EIF2B3: variants seen among roughly 807,000 people sequenced by gnomAD.
The protein encoded by EIF2B3 is eukaryotic translation initiation factor 2B subunit gamma.
In EIF2B3, 20 loss-of-function variants were observed where a neutral mutation model predicts 54.1. The ratio of observed to expected loss-of-function variants is 0.37; its 90% CI spans 0.26 to 0.54. EIF2B3 has a LOEUF of 0.54. Among genes scored for constraint, EIF2B3 ranks in the 20% least tolerant of loss-of-function variants. The pLI is 0.86. For synonymous variants in EIF2B3, 153 were observed against 188.1 expected, an observed-to-expected ratio of 0.81 and a Z score of 1.52; for missense variants, 448 against 547.8, an observed-to-expected ratio of 0.82 and a Z score of 1.82.
intron 3 of EIF2B3, among the ~76,000 whole-genome samples, chr1:44,951,047 A>T (rs1644155372): frequency 6.6e-6 from 1 of 152,184 alleles, no homozygotes; most frequent in Admixed American, 6.5e-5. Context: ...TTTTTAAAAA[A>T]ATTACTTCAG....
Position 44,897,424 on chromosome 1 carries a change from T to C in EIF2B3, c.587A>G (p.His196Arg). 6.2e-7 allele frequency: 1 copy of C among 1,613,022 alleles called. No individual in the cohort carries two copies. The highest frequency in any genetic ancestry group is 8.5e-7 in the Non-Finnish European group (1 of 1,179,676). Residue 196 changes from histidine (H) to arginine (R), a missense_variant, in exon 6 of 12, where the codon CAC (histidine) becomes CGC (arginine). Around this residue, in one of 3 missense-constraint regions of EIF2B3, gnomAD observed 350 missense variants for 414.2 expected, o/e 0.85. Coordinates refer to ENST00000360403, the MANE Select transcript of EIF2B3 (RefSeq NM_020365.5). ...ILQKHPRIRF[H>R]TGLVDAHLYC... ...GAGGTGGGCATCCACAAGACCCGTG[T>C]GGAAACGTATTCTAGGATGCCTGCA...
chr1:44,941,912 G>A (rs1644028424), intron 3 of EIF2B3, among the ~76,000 whole-genome samples: 1 of 152,074 alleles, frequency 6.6e-6, no homozygotes, highest in Non-Finnish European at 1.5e-5. Flanking sequence ...GACATCTCTG[G>A]AACCCTAGGT....
At chr1:44,918,761 A>G (rs1263938979) in intron 5 of EIF2B3, among the ~76,000 whole-genome samples, 2 of 152,158 alleles carry the variant, frequency 1.3e-5, no homozygotes, top group African/African-American at 2.4e-5. Context: ...ATTGTGGAAA[A>G]CAGGATTTAA....
chr1:44,897,341 AC>A lies in EIF2B3; in HGVS notation c.656+13del, dbSNP rs1656005114. On this transcript the variant is annotated intron_variant, in intron 6 of 11. Coordinates refer to ENST00000360403, the MANE Select transcript of EIF2B3 (RefSeq NM_020365.5). ...TAAGTACTGTAGGTTTGACTCTACC[AC>A]CCTTTTTCTTACCCATTTTCCATTA... The A allele has an allele frequency of 6.2e-7, 1 of 1,600,290 alleles. No homozygotes were observed. The highest frequency in any genetic ancestry group is 1.3e-5 in the African/African-American group (1 of 74,768).
Position 44,897,365 on chromosome 1 carries a change from T to G in EIF2B3, c.646A>C (p.Met216Leu). 6.2e-7 allele frequency: 1 copy of G among 1,613,092 alleles called. No homozygotes were observed. Among genetic ancestry groups the G allele is most frequent in the Non-Finnish European group, 8.5e-7 (1 of 1,179,354 alleles). The change falls in exon 6 of 12, where the codon ATG (methionine) becomes CTG (leucine). Residue 216 changes from methionine to leucine, a missense_variant. Physicochemically the swap from Met to Leu is conservative, Grantham distance 15. This residue lies in a region of EIF2B3 where 350 missense variants were observed against 414.2 expected (regional missense o/e 0.85). Coordinates refer to ENST00000360403, the MANE Select transcript of EIF2B3 (RefSeq NM_020365.5). ...CACCCTTTTTCTTACCCATTTTCCA[T>G]TAGGAAATCCACGATGTATTTTTTC... ...CLKKYIVDFLMENGSITSIRS... is the reference protein window; with the variant it reads ...CLKKYIVDFLLENGSITSIRS...
intron 3 of EIF2B3, among the ~76,000 whole-genome samples, chr1:44,975,828 G>A (rs760255454): frequency 2.0e-5 from 3 of 152,080 alleles, no homozygotes; most frequent in Non-Finnish European, 4.4e-5. Context: ...AATTAGCCAG[G>A]TGTGGTGGCA....
intron 3 of EIF2B3, among the ~76,000 whole-genome samples, chr1:44,943,498 C>T (rs1347311048): frequency 6.6e-6 from 1 of 151,936 alleles, no homozygotes; most frequent in Non-Finnish European, 1.5e-5. Context: ...TGGCTTACTG[C>T]AGCCTCGACT....
In EIF2B3 at chr1:44,875,744, GCTCTCCCTCTCC is replaced by G. The variant is rs370371044; in HGVS notation, c.976-61_976-50del. 5 of 1,475,742 alleles carry G rather than the reference GCTCTCCCTCTCC, an allele frequency of 3.4e-6. No individual in the cohort carries two copies. In the South Asian group the frequency reaches 3.4e-5, roughly 10 times the overall value. The allele number at this position is 1,475,742 out of a possible 1,614,324, so 91.4% of individuals were successfully genotyped here. On this transcript the variant is annotated intron_variant, in intron 8 of 11. Coordinates refer to ENST00000360403, the MANE Select transcript of EIF2B3 (RefSeq NM_020365.5). Reference sequence around the variant, plus strand: ...TAAAGATCAGAAAACACCTTAGGTAGCTCTCCCTCTCCCTCTCCCTCTACCTCTCCCACTCCC... The same window carrying G: ...TAAAGATCAGAAAACACCTTAGGTAGCTCTCCCTCTACCTCTCCCACTCCC...
intron 3 of EIF2B3, among the ~76,000 whole-genome samples, chr1:44,968,641 G>A (rs555084102): frequency 1.3e-5 from 2 of 152,312 alleles, no homozygotes; most frequent in East Asian, 1.9e-4. Flanking sequence ...GCTCACGCCT[G>A]TAATCCCAGC....
intron 3 of EIF2B3, among the ~76,000 whole-genome samples, chr1:44,955,775 G>A (rs2148951254): frequency 6.6e-6 from 1 of 152,180 alleles, no homozygotes; most frequent in South Asian, 2.1e-4. Flanking sequence ...CATCATCACT[G>A]GTCATTAGAA....
intron 8 of EIF2B3, among the ~76,000 whole-genome samples, chr1:44,875,958 T>A (rs575840162): frequency 8.1e-4 from 123 of 152,352 alleles, no homozygotes; most frequent in Admixed American, 1.3e-3. Flanking sequence ...CTGGTTTTCG[T>A]ATTTTTTTGG....
At position 44,942,886 on chromosome 1, in the gene EIF2B3, C is replaced by T. The variant is rs527672837; in HGVS notation, c.295-1221G>A. On this transcript the variant is annotated intron_variant, in intron 3 of 11. Transcript: ENST00000360403. ...TTATTTATTTTTTGAGACAGAGTCT[C>T]CCTCTGTTGCCCAAGCTGGAGTGCA... 5.0e-3 allele frequency among the ~76,000 whole-genome samples: 754 copies of T among 151,916 alleles called. 4 individuals are homozygous for T. The highest frequency in any genetic ancestry group is 7.7e-3 in the East Asian group (40 of 5,164).
chr1:44,861,005 C>A (rs1375340262), intron 10 of EIF2B3, among the ~76,000 whole-genome samples: 1 of 152,204 alleles, frequency 6.6e-6, no homozygotes, highest in East Asian at 1.9e-4. Context: ...TCAGAGTCTT[C>A]TTTATCTCTG....
At chr1:44,888,974 G>A (rs530238480) in intron 6 of EIF2B3, among the ~76,000 whole-genome samples, 128 of 152,324 alleles carry the variant, frequency 8.4e-4, no homozygotes, top group African/African-American at 3.0e-3. Flanking sequence ...GAAGAGCAAT[G>A]GAAACCACCA....
At chr1:44,932,116 A>AAC (rs59619203) in intron 4 of EIF2B3, among the ~76,000 whole-genome samples, 2,161 of 148,466 alleles carry the variant, frequency 0.015, 28 homozygotes, top group African/African-American at 0.036. Flanking sequence ...TCTCAAAACG[A>AAC]ACACACACAC....
chr1:44,982,048 G>A (rs1279563577), intron 1 of EIF2B3, among the ~76,000 whole-genome samples: 1 of 151,474 alleles, frequency 6.6e-6, no homozygotes. Flanking sequence ...AGTATGAAAT[G>A]ACTTAAGACT....
rs753414286 is a variant in EIF2B3, at chr1:44,941,494, A to G, written c.454+12T>C. ...AAACTCAACAAACAAAACAAACTCCAATCTTCCTTACCTGCTTTTTTTTTC... is the reference window on the plus strand; with the variant it reads ...AAACTCAACAAACAAAACAAACTCCGATCTTCCTTACCTGCTTTTTTTTTC... On this transcript the variant is annotated intron_variant, in intron 4 of 11. Transcript: ENST00000360403. The G allele has an allele frequency of 1.9e-6, 3 of 1,593,836 alleles. No homozygotes were observed. Among genetic ancestry groups the G allele is most frequent in the Non-Finnish European group, 8.5e-7 (1 of 1,172,856 alleles).
intron 11 of EIF2B3, among the ~76,000 whole-genome samples, chr1:44,854,763 A>C (rs529199984): frequency 6.2e-4 from 94 of 151,270 alleles, no homozygotes; most frequent in African/African-American, 2.2e-3. Context: ...AATTTTTTGT[A>C]TTTTTAGTAG....
intron 10 of EIF2B3, among the ~76,000 whole-genome samples, chr1:44,868,210 A>C (rs888133917): frequency 4.6e-5 from 7 of 152,060 alleles, no homozygotes; most frequent in Non-Finnish European, 8.8e-5. Flanking sequence ...CATCCTGGCT[A>C]ATATGGTGAA....
Sources: allele counts gnomAD v4.1 joint callset (sites outside exome capture counted in the v4.1 genomes callset), GRCh38; gene constraint gnomAD v4.1.1; regional missense constraint gnomAD v4.1.1; transcripts MANE v1.5; gene names NCBI Gene and HGNC (gene_info 2026-07-23, HGNC 2026-07-21).